The following FNBP1 variants were observed in gnomAD, a reference collection of about 807,000 sequenced individuals.
FNBP1 encodes formin binding protein 1, also known as formin-binding protein 1.
Under a neutral mutation model 90.6 loss-of-function variants are expected in FNBP1, and 26 were observed. That is an observed-to-expected ratio of 0.29 (90% CI 0.21 to 0.40). FNBP1 has a LOEUF of 0.40. FNBP1 is among the 10% of genes least tolerant of loss of function. The pLI is 1.00. For synonymous variants in FNBP1, 260 were observed against 265.2 expected (o/e 0.98, Z 0.19); for missense variants, 635 against 768.0 (o/e 0.83, Z 2.05).
rs1464136127 is a variant in FNBP1 at position 129,887,344 on chromosome 9, GC to G, written c.*3194del. On this transcript the variant is annotated 3_prime_UTR_variant, in exon 17 of 17. Transcript: ENST00000446176. The stretch of plus-strand genomic sequence containing the variant: ...GGCGATCGGCCTCACACAGCAAAAT[GC>G]CTCCAAAGTTTAGAATTAGTGCAAC... 1 of 199,332 alleles carries G rather than the reference GC, an allele frequency of 5.0e-6. No homozygotes were observed. Among genetic ancestry groups the G allele is most frequent in the Non-Finnish European group, 1.0e-5 (1 of 96,316 alleles). The allele number at this position is 199,332 out of a possible 1,614,324, so 12.3% of individuals were successfully genotyped here. A position where few individuals can be genotyped will look rare whatever the true frequency, so the allele number is the denominator to read the frequency against.
intron 6 of FNBP1, among the ~76,000 whole-genome samples, chr9:129,940,148 CTA>C (rs2044110606): frequency 6.6e-6 from 1 of 152,114 alleles, no homozygotes; most frequent in Non-Finnish European, 1.5e-5. Context: ...CTATAGTGAG[CTA>C]TGATTGTCCC....
intron 1 of FNBP1, among the ~76,000 whole-genome samples, chr9:130,021,933 C>T (rs1480174166): frequency 3.9e-5 from 6 of 152,184 alleles, no homozygotes; most frequent in South Asian, 2.1e-4. Flanking sequence ...GCTATCTTGG[C>T]TCACTACAGC....
At chr9:129,962,512 T>C (rs2047987309) in intron 4 of FNBP1, among the ~76,000 whole-genome samples, 1 of 152,148 alleles carries the variant, frequency 6.6e-6, no homozygotes, top group South Asian at 2.1e-4. Flanking sequence ...AACCTAGGAT[T>C]TAGCGGAGTC....
rs1240943142 is a variant in FNBP1 at position 129,990,938 on chromosome 9, T to G, written c.140+3905A>C. Reference sequence around the variant, plus strand: ...AGATGATGATGACACCAGGGTTTTTTTTTTTTTTTTTTTGAGATGGAGTCT... The same window carrying G: ...AGATGATGATGACACCAGGGTTTTTGTTTTTTTTTTTTTGAGATGGAGTCT... On this transcript the variant is annotated intron_variant, in intron 2 of 16. Transcript: ENST00000446176. 1.3e-5 allele frequency among the ~76,000 whole-genome samples: 2 copies of G among 150,356 alleles called. 1 individual carries two copies. The highest frequency in any genetic ancestry group is 4.2e-4 in the South Asian group (2 of 4,710).
intron 1 of FNBP1, among the ~76,000 whole-genome samples, chr9:130,025,818 G>T (rs1204116013): frequency 2.0e-5 from 3 of 152,196 alleles, no homozygotes; most frequent in Non-Finnish European, 4.4e-5. Context: ...CAGCTACTTG[G>T]GAGGCTGAGG....
At chr9:129,938,606 T>C (rs2043860179) in intron 6 of FNBP1, among the ~76,000 whole-genome samples, 1 of 150,918 alleles carries the variant, frequency 6.6e-6, no homozygotes, top group African/African-American at 2.4e-5. Flanking sequence ...GGAGGGCCAC[T>C]GAAATAGAAG....
At chr9:129,967,632 TGCTGTATTAG>T (rs1161700355) in intron 4 of FNBP1, among the ~76,000 whole-genome samples, 1 of 152,316 alleles carries the variant, frequency 6.6e-6, no homozygotes, top group East Asian at 1.9e-4. Context: ...GCAATGGTGA[TGCTGTATTAG>T]GCATCTAAGG....
intron 6 of FNBP1, among the ~76,000 whole-genome samples, chr9:129,949,782 T>C (rs1588796703): frequency 1.3e-5 from 2 of 149,368 alleles, no homozygotes; most frequent in Admixed American, 1.3e-4. Flanking sequence ...CAAAATGTGG[T>C]TTCAATCCAT....
At chr9:129,953,351 C>T (rs983099707) in intron 6 of FNBP1, among the ~76,000 whole-genome samples, 2 of 151,846 alleles carry the variant, frequency 1.3e-5, no homozygotes, top group East Asian at 1.9e-4. Flanking sequence ...ATTATCCGGG[C>T]GTGGTGGTAC....
intron 1 of FNBP1, among the ~76,000 whole-genome samples, chr9:130,005,030 C>T (rs2055450973): frequency 7.0e-6 from 1 of 142,450 alleles, no homozygotes; most frequent in Non-Finnish European, 1.5e-5. Flanking sequence ...GGCGCCATTG[C>T]ACTCCAGCCT....
At chr9:130,019,553 T>C (rs1445856748) in intron 1 of FNBP1, among the ~76,000 whole-genome samples, 1 of 152,130 alleles carries the variant, frequency 6.6e-6, no homozygotes, top group Non-Finnish European at 1.5e-5. Context: ...CAAAAGCAGA[T>C]CATCATGACT....
chr9:129,899,869 G>T, intron 15 of FNBP1, 96 bp downstream of exon 15: 1 of 1,135,192 alleles, frequency 8.8e-7, no homozygotes, highest in South Asian at 2.1e-5. Flanking sequence ...GAATAAAAAT[G>T]ATCAGAAGGA....
In FNBP1 at chr9:129,978,009, G is replaced by A. The variant is rs149788012; in HGVS notation, c.345+456C>T. On this transcript the variant is annotated intron_variant, in intron 4 of 16. Transcript: ENST00000446176. ...GAAACACTTTCTAGGAACAGGGTCTGTAACTTTTTTTCTTTTTTTTTTTCT... is the reference window on the plus strand; with the variant it reads ...GAAACACTTTCTAGGAACAGGGTCTATAACTTTTTTTCTTTTTTTTTTTCT... Among the ~76,000 whole-genome samples, 954 of 151,708 alleles carry A rather than the reference G, an allele frequency of 6.3e-3. 13 individuals are homozygous for A. Among genetic ancestry groups the A allele is most frequent in the African/African-American group, 0.022 (920 of 41,422 alleles).
Position 129,925,059 on chromosome 9 carries a change from T to C in FNBP1, c.888A>G (p.Ser296=), listed in dbSNP as rs1316931731. 3 of 1,613,990 alleles carry C rather than the reference T, an allele frequency of 1.9e-6. No homozygotes were observed. In the Admixed American group the frequency reaches 5.0e-5, roughly 27 times the overall value. The change falls in exon 9 of 17, where the codon TCA becomes TCG. Residue 296 remains serine, a synonymous_variant. Coordinates refer to ENST00000446176, the MANE Select transcript of FNBP1 (RefSeq NM_015033.3). ...DYTQPMKRTV[S]DNSLSNSRGE... ...CTCTGGAATTTGAAAGGCTGTTATCTGACACAGTGCGCTTCATTGGCTGAG... is the reference window on the plus strand; with the variant it reads ...CTCTGGAATTTGAAAGGCTGTTATCCGACACAGTGCGCTTCATTGGCTGAG...
chr9:129,982,113 A>G (rs2051351084), intron 2 of FNBP1, among the ~76,000 whole-genome samples: 1 of 152,246 alleles, frequency 6.6e-6, no homozygotes, highest in African/African-American at 2.4e-5. Flanking sequence ...TGTTAAAAGC[A>G]CAGTACAGGT....
upstream of FNBP1, among the ~76,000 whole-genome samples, chr9:130,046,593 A>C (rs563707129): frequency 0.012 from 1,796 of 148,836 alleles, 41 homozygotes; most frequent in African/African-American, 0.042. Flanking sequence ...AAAAAAAAAA[A>C]AAAAAAAAAA....
At chr9:129,894,324 C>T (rs2035427867) in intron 16 of FNBP1, among the ~76,000 whole-genome samples, 1 of 152,138 alleles carries the variant, frequency 6.6e-6, no homozygotes, top group Non-Finnish European at 1.5e-5. Context: ...CCTCCCACAT[C>T]AATGCCAATT....
At chr9:129,908,272 T>C (rs1415501093) in intron 12 of FNBP1, among the ~76,000 whole-genome samples, 1 of 148,870 alleles carries the variant, frequency 6.7e-6, no homozygotes, top group Non-Finnish European at 1.5e-5. Context: ...GGCATGATCA[T>C]AGCTCACTGC....
At chr9:129,913,445 T>C (rs1377943641) in intron 11 of FNBP1, among the ~76,000 whole-genome samples, 1 of 151,494 alleles carries the variant, frequency 6.6e-6, no homozygotes, top group East Asian at 1.9e-4. Flanking sequence ...GTGGCTGGAG[T>C]TCTGTAAGAG....
Sources: gnomAD v4.1 joint callset for allele counts (sites outside exome capture counted in the v4.1 genomes callset) on GRCh38, gnomAD v4.1.1 for gene constraint, MANE v1.5 for transcripts, NCBI Gene and HGNC (gene_info 2026-07-23, HGNC 2026-07-21) for gene names.